The following TM9SF2 variants were observed in gnomAD, a reference collection of about 807,000 sequenced individuals.
TM9SF2 encodes 76 kDa membrane protein.
A neutral mutation model predicts 84.9 loss-of-function variants in TM9SF2; 13 were observed. The ratio of observed to expected loss-of-function variants is 0.15; its 90% CI spans 0.10 to 0.24. TM9SF2 has a LOEUF of 0.24. TM9SF2 is among the 10% of genes least tolerant of loss of function. TM9SF2 has a pLI of 1.00. For synonymous variants in TM9SF2, 273 were observed against 285.8 expected (o/e 0.96, Z 0.45); for missense variants, 562 against 818.5 (o/e 0.69, Z 3.82).
chr13:99,539,063 C>T (rs1459588908), intron 6 of TM9SF2, among the ~76,000 whole-genome samples: 9 of 150,288 alleles, frequency 6.0e-5, no homozygotes, highest in Admixed American at 2.0e-4. Flanking sequence ...ATTAGCTGGG[C>T]GTGGGGTGTG....
chr13:99,529,396 C>G, intron 3 of TM9SF2, 71 bp from the exon 4 acceptor site: 1 of 1,381,160 alleles, frequency 7.2e-7, no homozygotes, highest in Admixed American at 2.8e-5. Flanking sequence ...CACTTTTACT[C>G]TATTTGTGAT....
chr13:99,519,779 CAATT>C (rs1023483442), intron 2 of TM9SF2, among the ~76,000 whole-genome samples: 2 of 151,918 alleles, frequency 1.3e-5, no homozygotes, highest in African/African-American at 2.4e-5. Context: ...TATAATGAGT[CAATT>C]AAAAGATATT....
chr13:99,519,861 TTG>T (rs1255117763), intron 2 of TM9SF2, among the ~76,000 whole-genome samples, 173 bp from the exon 3 acceptor site: 1 of 152,164 alleles, frequency 6.6e-6, no homozygotes, highest in Admixed American at 6.6e-5. Flanking sequence ...TTTAGGTGTT[TTG>T]TTTTTTTATG....
rs113297174 is a variant in TM9SF2, at chr13:99,509,675, A to C, written c.171+7898A>C. On this transcript the variant is annotated intron_variant, in intron 1 of 16. Transcript: ENST00000376387. ...GGCCCTGGGTCTGACCTATAAACCC[A>C]TTCAGTCCTCCTGGGCCTCTGGGCC... 2.1e-3 allele frequency among the ~76,000 whole-genome samples: 322 copies of C among 152,242 alleles called. 2 individuals carry two copies. The highest frequency in any genetic ancestry group is 7.5e-3 in the African/African-American group (311 of 41,544).
chr13:99,537,702 A>G (rs768568738), intron 5 of TM9SF2, 37 bp from the exon 6 acceptor site: 6 of 1,539,752 alleles, frequency 3.9e-6, no homozygotes, highest in Non-Finnish European at 3.5e-6. Context: ...TTATGTAGTC[A>G]GTTTTCTACC....
chr13:99,509,095 G>A (rs1435294824), intron 1 of TM9SF2, among the ~76,000 whole-genome samples: 2 of 152,104 alleles, frequency 1.3e-5, no homozygotes, highest in Non-Finnish European at 2.9e-5. Flanking sequence ...GCAAAAACAA[G>A]TTACTTACTT....
chr13:99,536,418 A>C (rs568284054), intron 4 of TM9SF2, among the ~76,000 whole-genome samples, 190 bp from the exon 5 acceptor site: 1 of 151,950 alleles, frequency 6.6e-6, no homozygotes, highest in Non-Finnish European at 1.5e-5. Flanking sequence ...CCATCACTGC[A>C]GTGTATCAGA....
intron 4 of TM9SF2, among the ~76,000 whole-genome samples, chr13:99,531,903 CTTG>C (rs1297811082): frequency 3.9e-5 from 6 of 152,108 alleles, no homozygotes; most frequent in East Asian, 3.9e-4. Context: ...TTGAAATTTC[CTTG>C]TTGTTTTTCT....
Position 99,520,149 on chromosome 13 carries a change from T to C in TM9SF2, c.333+20T>C. On this transcript the variant is annotated intron_variant, in intron 3 of 16. Transcript: ENST00000376387. ...TATAAGGTTTGTATTTAGTGTTACA[T>C]AATAATTATTTACTTACAGCTTTTG... 6.4e-7 allele frequency: 1 copy of C among 1,573,788 alleles called. No individual in the cohort carries two copies. The highest frequency in any genetic ancestry group is 8.6e-7 in the Non-Finnish European group (1 of 1,157,284).
chr13:99,517,496 G>T, intron 1 of TM9SF2, 118 bp from the exon 2 acceptor site: 1 of 579,888 alleles, frequency 1.7e-6, no homozygotes, highest in South Asian at 3.0e-5. Flanking sequence ...GTTTAAAGTT[G>T]ACTGGAATTA....
intron 3 of TM9SF2, among the ~76,000 whole-genome samples, chr13:99,520,585 T>C (rs1413318291): frequency 1.3e-5 from 2 of 152,148 alleles, no homozygotes; most frequent in African/African-American, 4.8e-5. Context: ...CTTTTTTTTT[T>C]CCAGACAGAG....
chr13:99,514,740 C>A (rs968424018), intron 1 of TM9SF2, among the ~76,000 whole-genome samples: 2 of 152,240 alleles, frequency 1.3e-5, no homozygotes, highest in Non-Finnish European at 2.9e-5. Context: ...AAATTCAGTT[C>A]TTCAGCTACA....
At chr13:99,538,383 AT>A (rs577523673) in intron 6 of TM9SF2, among the ~76,000 whole-genome samples, 1 of 151,242 alleles carries the variant, frequency 6.6e-6, no homozygotes, top group African/African-American at 2.4e-5. Context: ...TAAATATTTC[AT>A]TTTTTTTCAC....
At chr13:99,509,344 G>T (rs111642345) in intron 1 of TM9SF2, among the ~76,000 whole-genome samples, 1 of 152,318 alleles carries the variant, frequency 6.6e-6, no homozygotes, top group East Asian at 1.9e-4. Context: ...TCTGAATGGG[G>T]CTCCAACACC....
chr13:99,535,635 GAC>G (rs1331111671), intron 4 of TM9SF2, among the ~76,000 whole-genome samples: 1 of 152,104 alleles, frequency 6.6e-6, no homozygotes, highest in Non-Finnish European at 1.5e-5. Flanking sequence ...AAGGTGACGA[GAC>G]ATGTTTTATT....
At chr13:99,544,564 A>C (rs2046275245) in intron 10 of TM9SF2, among the ~76,000 whole-genome samples, 1 of 152,148 alleles carries the variant, frequency 6.6e-6, no homozygotes, top group Admixed American at 6.5e-5. Flanking sequence ...TCAGCATCTG[A>C]GTCTAAACAG....
At chr13:99,552,474 T>G (rs778704043) in intron 13 of TM9SF2, 148 bp downstream of exon 13, 9 of 853,918 alleles carry the variant, frequency 1.1e-5, no homozygotes, top group South Asian at 2.1e-5. Context: ...AATAGTAGTA[T>G]TATTTAGGAG....
At position 99,540,743 on chromosome 13, in the gene TM9SF2, A is replaced by G. The variant is rs748766712; in HGVS notation, c.858A>G (p.Arg286=). 5.0e-6 allele frequency: 8 copies of G among 1,613,826 alleles called. No individual in the cohort carries two copies. The highest frequency in any genetic ancestry group is 6.8e-6 in the Non-Finnish European group (8 of 1,179,884). The change falls in exon 8 of 17, where the codon AGA becomes AGG. Residue 286 remains arginine (R), a synonymous_variant. Coordinates refer to ENST00000376387, the MANE Select transcript of TM9SF2 (RefSeq NM_004800.3). ...EEDDKIRWAS[R]WDYILESMPH... ...ATGATAAGATCAGATGGGCGTCTAG[A>G]TGGGACTATATTCTGGAGTCTATGC...
chr13:99,554,369 G>A lies in TM9SF2; in HGVS notation c.1554G>A (p.Thr518=), dbSNP rs752717925. ...AGATTCCTGAACAGTCGTTCTACACGAAGCCCTTGCCTGGTATTATCATGG... is the reference window on the plus strand; with the variant it reads ...AGATTCCTGAACAGTCGTTCTACACAAAGCCCTTGCCTGGTATTATCATGG... ...PRQIPEQSFY[T]KPLPGIIMGG... is the part of the protein sequence containing the mutation. Residue 518 remains threonine (T), a synonymous_variant, in exon 14 of 17, where the codon ACG becomes ACA. Coordinates refer to ENST00000376387, the MANE Select transcript of TM9SF2 (RefSeq NM_004800.3). 30 of 1,613,988 alleles carry A rather than the reference G, an allele frequency of 1.9e-5. No individual in the cohort carries two copies. The highest frequency in any genetic ancestry group is 8.3e-5 in the Admixed American group (5 of 60,004).
Sources: gnomAD v4.1 joint callset for allele counts (sites outside exome capture counted in the v4.1 genomes callset) on GRCh38, gnomAD v4.1.1 for gene constraint, MANE v1.5 for transcripts, NCBI Gene and HGNC (gene_info 2026-07-23, HGNC 2026-07-21) for gene names.